Variants in PPP2R2C observed in about 807,000 individuals in gnomAD.
The protein encoded by PPP2R2C is protein phosphatase 2 regulatory subunit Bgamma, also known as protein phosphatase 2, regulatory subunit B, gamma.
A neutral mutation model predicts 45.3 loss-of-function variants in PPP2R2C; 10 were observed. The observed-to-expected ratio is 0.22, with a 90% CI of 0.14 to 0.37. PPP2R2C has a LOEUF of 0.37. PPP2R2C is among the 10% of genes least tolerant of loss of function. PPP2R2C has a pLI of 1.00. For missense variants in PPP2R2C, 308 were observed against 619.7 expected, an observed-to-expected ratio of 0.50 and a Z score of 5.34; for synonymous variants, 257 against 245.4, an observed-to-expected ratio of 1.05 and a Z score of -0.44.
intron 2 of PPP2R2C, among the ~76,000 whole-genome samples, chr4:6,501,578 TTCA>T (rs1723058057): frequency 6.7e-6 from 1 of 149,936 alleles, no homozygotes; most frequent in Admixed American, 6.6e-5. Flanking sequence ...AACACTTTCA[TTCA>T]TTCATTCATT....
At chr4:6,339,920 G>A (rs1041484496) in intron 6 of PPP2R2C, among the ~76,000 whole-genome samples, 11 of 152,224 alleles carry the variant, frequency 7.2e-5, no homozygotes, top group African/African-American at 2.7e-4. Context: ...AGCAGAAGAA[G>A]GACGATGGGG....
chr4:6,359,122 T>C (rs1053559622), intron 5 of PPP2R2C, among the ~76,000 whole-genome samples: 1 of 152,222 alleles, frequency 6.6e-6, no homozygotes. Context: ...TAGACTGGAT[T>C]AAGAAAATGT....
chr4:6,423,509 T>G (rs1167911007), intron 1 of PPP2R2C, among the ~76,000 whole-genome samples: 1 of 152,156 alleles, frequency 6.6e-6, no homozygotes, highest in African/African-American at 2.4e-5. Flanking sequence ...CGGCCCCCAC[T>G]AGGGATATTT....
At chr4:6,439,117 C>G (rs1182805899) in intron 1 of PPP2R2C, among the ~76,000 whole-genome samples, 1 of 152,198 alleles carries the variant, frequency 6.6e-6, no homozygotes, top group East Asian at 1.9e-4. Context: ...TGTTTCCCCT[C>G]TAGAAACAGG....
intron 2 of PPP2R2C, among the ~76,000 whole-genome samples, chr4:6,506,382 T>C (rs1005765011): frequency 6.6e-5 from 10 of 152,244 alleles, no homozygotes; most frequent in African/African-American, 2.2e-4. Flanking sequence ...CTCTGTATTA[T>C]GATTTTGGCA....
At chr4:6,452,039 C>T (rs962581300) in intron 1 of PPP2R2C, among the ~76,000 whole-genome samples, 1 of 152,120 alleles carries the variant, frequency 6.6e-6, no homozygotes, top group African/African-American at 2.4e-5. Flanking sequence ...TCTCCCAAAC[C>T]CACAAATCAC....
intron 1 of PPP2R2C, among the ~76,000 whole-genome samples, chr4:6,553,822 G>A (rs1301597087): frequency 3.3e-5 from 5 of 152,078 alleles, no homozygotes; most frequent in Non-Finnish European, 5.9e-5. Flanking sequence ...CCACCAAGAA[G>A]TGACCTCATT....
At chr4:6,445,513 T>A (rs1049157918) in intron 1 of PPP2R2C, among the ~76,000 whole-genome samples, 1 of 152,238 alleles carries the variant, frequency 6.6e-6, no homozygotes, top group African/African-American at 2.4e-5. Flanking sequence ...CACAGCCTCA[T>A]AGACAGACAG....
At chr4:6,523,308 C>T (rs1293718498) in intron 2 of PPP2R2C, 1 of 152,270 alleles carries the variant, frequency 6.6e-6, no homozygotes, top group Non-Finnish European at 1.5e-5. Context: ...GTTTCTAAGG[C>T]TGTCTTCCCT....
chr4:6,527,884 G>A (rs981641867), intron 2 of PPP2R2C, among the ~76,000 whole-genome samples: 1 of 152,158 alleles, frequency 6.6e-6, no homozygotes, highest in African/African-American at 2.4e-5. Context: ...AGCAGGAGGA[G>A]AGCGGGCAGC....
At chr4:6,530,622 C>G (rs964657999) in intron 2 of PPP2R2C, among the ~76,000 whole-genome samples, 37 of 152,320 alleles carry the variant, frequency 2.4e-4, no homozygotes, top group African/African-American at 7.9e-4. Flanking sequence ...GACTGCTGGG[C>G]TGGGACCCTG....
intron 1 of PPP2R2C, among the ~76,000 whole-genome samples, chr4:6,469,684 A>G (rs1431119097): frequency 2.0e-5 from 3 of 152,228 alleles, no homozygotes; most frequent in Admixed American, 2.0e-4. Flanking sequence ...AAGGCTGCAC[A>G]GCAGTCAGGA....
intron 2 of PPP2R2C, among the ~76,000 whole-genome samples, chr4:6,493,889 A>G (rs1390381707): frequency 6.6e-6 from 1 of 152,216 alleles, no homozygotes; most frequent in East Asian, 1.9e-4. Flanking sequence ...ACCTAGCAAC[A>G]GCCATAAATC....
intron 1 of PPP2R2C, among the ~76,000 whole-genome samples, chr4:6,465,606 T>G (rs986933742): frequency 2.0e-5 from 3 of 152,110 alleles, no homozygotes; most frequent in Non-Finnish European, 4.4e-5. Context: ...TTTCATGCCT[T>G]CCATATTTTG....
At chr4:6,358,890 G>A (rs1300600509) in intron 5 of PPP2R2C, among the ~76,000 whole-genome samples, 1 of 152,236 alleles carries the variant, frequency 6.6e-6, no homozygotes, top group Non-Finnish European at 1.5e-5. Flanking sequence ...CTTTTACACT[G>A]TTGGTGGGAC....
intron 2 of PPP2R2C, among the ~76,000 whole-genome samples, chr4:6,512,301 G>A (rs1245477544): frequency 3.1e-4 from 32 of 103,198 alleles, no homozygotes; most frequent in African/African-American, 7.0e-4. Flanking sequence ...TGGCGGTGGT[G>A]GTGGTGGTGG....
chr4:6,379,510 C>T (rs758737392), intron 2 of PPP2R2C, among the ~76,000 whole-genome samples: 6 of 152,326 alleles, frequency 3.9e-5, no homozygotes, highest in Admixed American at 6.5e-5. Context: ...CATGAGCACT[C>T]GCTATGACAA....
At chr4:6,458,283 T>C (rs1721145950) in intron 1 of PPP2R2C, among the ~76,000 whole-genome samples, 1 of 152,204 alleles carries the variant, frequency 6.6e-6, no homozygotes, top group South Asian at 2.1e-4. Context: ...CAAAATATCA[T>C]AGACCGGGTG....
chr4:6,381,971 G>A, intron 1 of PPP2R2C: 1 of 1,444,408 alleles, frequency 6.9e-7, no homozygotes. Context: ...CCTGGGAGTG[G>A]GGGAGAGCAG....
Sources: gnomAD v4.1 joint callset for allele counts (sites outside exome capture counted in the v4.1 genomes callset) on GRCh38, gnomAD v4.1.1 for gene constraint, MANE v1.5 for transcripts, NCBI Gene and HGNC (gene_info 2026-07-23, HGNC 2026-07-21) for gene names.